Variants in SLA2 observed in about 807,000 individuals in gnomAD.
SLA2 encodes Src like adaptor 2.
SLA2 carries 22 observed loss-of-function variants against 27.3 expected under a neutral mutation model. That is an observed-to-expected ratio of 0.81 (90% CI 0.58 to 1.15). The LOEUF is 1.15. Among genes scored for constraint, SLA2 ranks in the 50% most tolerant of loss-of-function variants. The pLI, the probability that SLA2 is intolerant of heterozygous loss-of-function variation, is 0.00. For missense variants in SLA2, 304 were observed against 322.2 expected (o/e 0.94, Z 0.43); for synonymous variants, 131 against 137.8 (o/e 0.95, Z 0.34).
In SLA2 at chr20:36,641,915, T is replaced by C. The variant is rs2039510420; in HGVS notation, c.-43-537A>G. 6.6e-5 allele frequency among the ~76,000 whole-genome samples: 10 copies of C among 151,476 alleles called. No homozygotes were observed. In the South Asian group the frequency reaches 2.1e-3, roughly 32 times the overall value. The stretch of plus-strand genomic sequence containing the variant: ...GCTCATGCCTGTAATCCCAGCACTT[T>C]GGGAGGCTGAGGCAGGTGGATGACC... On this transcript the variant is annotated intron_variant, in intron 1 of 7. Transcript: ENST00000262866.
At chr20:36,644,737 A>G (rs1169303209) in intron 1 of SLA2, among the ~76,000 whole-genome samples, 1 of 152,210 alleles carries the variant, frequency 6.6e-6, no homozygotes, top group Non-Finnish European at 1.5e-5. Context: ...AGACAGCATC[A>G]AATCATTAAC....
chr20:36,613,957 C>G lies in SLA2; in HGVS notation c.695G>C (p.Gly232Ala), dbSNP rs1395348564. 2 of 1,613,970 alleles carry G rather than the reference C, an allele frequency of 1.2e-6. No homozygotes were observed. Among genetic ancestry groups the G allele is most frequent in the African/African-American group, 1.3e-5 (1 of 74,910 alleles). The part of the protein sequence containing the change: ...SSLLFSEAAT[G>A]EESLLSEGLR... ...ACCCTCACTGAGAAGAGACTCCTCC[C>G]CTGTGGCAGCTTCAGAAAACAGGAG... The change falls in exon 8 of 8, where the codon GGG becomes GCG. Residue 232 changes from glycine to alanine, a missense_variant. Physicochemically the swap from Gly to Ala is moderately conservative, Grantham distance 60 (BLOSUM62 0). Transcript: ENST00000262866.
intron 5 of SLA2, among the ~76,000 whole-genome samples, chr20:36,629,795 C>T (rs967430400): frequency 2.0e-5 from 3 of 151,836 alleles, no homozygotes; most frequent in South Asian, 2.1e-4. Flanking sequence ...ATAATTATCC[C>T]GGTGTGGTAG....
chr20:36,615,134 TC>T, intron 6 of SLA2, 90 bp downstream of exon 6: 1 of 1,584,632 alleles, frequency 6.3e-7, no homozygotes, highest in Non-Finnish European at 8.6e-7. Flanking sequence ...GTCTGAATAC[TC>T]CACAGTAGGT....
rs1209086222 is a variant in SLA2 at position 36,634,568 on chromosome 20, A to G, written c.113T>C (p.Val38Ala). The G allele has an allele frequency of 1.9e-6, 3 of 1,609,294 alleles. No individual in the cohort carries two copies. The highest frequency in any genetic ancestry group is 1.3e-5 in the African/African-American group (1 of 74,946). ...MEAERSKATA[V>A]ALGSFPAGGP... ...ACCTGCCGGGAAACTGCCCAGGGCC[A>G]CGGCTGTGGCCTTGCTTCTCTCTAG... The change falls in exon 3 of 8, where the codon GTG (valine) becomes GCG (alanine). Residue 38 changes from valine to alanine, a missense_variant. Coordinates refer to ENST00000262866, the MANE Select transcript of SLA2 (RefSeq NM_032214.4).
chr20:36,633,720 T>G (rs1319920829), intron 3 of SLA2, 91 bp from the exon 4 acceptor site: 2 of 1,029,490 alleles, frequency 1.9e-6, no homozygotes, highest in Non-Finnish European at 3.0e-6. Context: ...CCTCTCAGGC[T>G]GGATCCTGTG....
intron 5 of SLA2, among the ~76,000 whole-genome samples, chr20:36,615,853 G>A (rs1234298643): frequency 2.0e-5 from 3 of 152,132 alleles, no homozygotes; most frequent in African/African-American, 7.2e-5. Context: ...TACCTCAGAA[G>A]CACACAAGCA....
At chr20:36,640,531 C>T (rs1408210121) in intron 2 of SLA2, among the ~76,000 whole-genome samples, 1 of 128,978 alleles carries the variant, frequency 7.8e-6, no homozygotes. Context: ...TTTTGTTAGA[C>T]GAATTTTCAC....
rs1396892441 is a variant in SLA2 at position 36,632,586 on chromosome 20, C to G, written c.382+9G>C. On this transcript the variant is annotated intron_variant, in intron 5 of 7. Coordinates refer to ENST00000262866, the MANE Select transcript of SLA2 (RefSeq NM_032214.4). ...AGGGAGGGCCTGGGCTGGCACCGAGCTTACTCACCTCTCCTGGTCTGGCTC... is the reference window on the plus strand; with the variant it reads ...AGGGAGGGCCTGGGCTGGCACCGAGGTTACTCACCTCTCCTGGTCTGGCTC... 11 of 1,611,744 alleles carry G rather than the reference C, an allele frequency of 6.8e-6. No homozygotes were observed. In the South Asian group the frequency reaches 1.1e-4, roughly 16 times the overall value.
chr20:36,633,287 C>G (rs941446360), intron 4 of SLA2, among the ~76,000 whole-genome samples: 2 of 152,148 alleles, frequency 1.3e-5, no homozygotes, highest in African/African-American at 4.8e-5. Flanking sequence ...CATTTTCCAC[C>G]ACGAGATCCT....
At chr20:36,632,336 A>C (rs377557864) in intron 5 of SLA2, among the ~76,000 whole-genome samples, 1 of 151,980 alleles carries the variant, frequency 6.6e-6, no homozygotes, top group Non-Finnish European at 1.5e-5. Context: ...CTCATGGTCT[A>C]TTCCTCCATG....
At chr20:36,639,697 C>CA (rs74173988) in intron 2 of SLA2, among the ~76,000 whole-genome samples, 10,317 of 136,820 alleles carry the variant, frequency 0.075, 526 homozygotes, top group African/African-American at 0.15. Context: ...ACTAAAAATA[C>CA]AAAAAAAAAA....
intron 2 of SLA2, among the ~76,000 whole-genome samples, chr20:36,639,424 CA>C (rs756221911): frequency 8.6e-5 from 13 of 151,260 alleles, no homozygotes; most frequent in Non-Finnish European, 1.3e-4. Context: ...CACACACACA[CA>C]ACTATTGGTT....
At chr20:36,643,742 A>G (rs1978285491) in intron 1 of SLA2, among the ~76,000 whole-genome samples, 1 of 152,186 alleles carries the variant, frequency 6.6e-6, no homozygotes, top group African/African-American at 2.4e-5. Context: ...ACATGAGGTC[A>G]GGAGTTTGAG....
chr20:36,626,192 G>A (rs1767871942), intron 5 of SLA2, among the ~76,000 whole-genome samples: 1 of 152,100 alleles, frequency 6.6e-6, no homozygotes, highest in Admixed American at 6.5e-5. Context: ...AAGAGATCAA[G>A]ACCATCCTGG....
At chr20:36,639,033 A>G (rs973599830) in intron 2 of SLA2, among the ~76,000 whole-genome samples, 3 of 151,978 alleles carry the variant, frequency 2.0e-5, no homozygotes, top group Admixed American at 2.0e-4. Flanking sequence ...TTTAGTAGAG[A>G]TGGGGTTTCA....
At position 36,646,006 on chromosome 20, in the gene SLA2, T is replaced by G. The variant is rs1244079937; in HGVS notation, c.-213A>C. On this transcript the variant is annotated 5_prime_UTR_variant, in exon 1 of 8. Transcript: ENST00000262866. ...TTCAGGGAGAGGCTAGGTGTTGGTT[T>G]GGGTAGCTCAGCATCTGTCTGCAGT... is the stretch of plus-strand genomic sequence containing the variant. 1 of 152,290 alleles carries G rather than the reference T, an allele frequency of 6.6e-6. No homozygotes were observed. Among genetic ancestry groups the G allele is most frequent in the East Asian group, 1.9e-4 (1 of 5,186 alleles). The allele number at this position is 152,290 out of a possible 1,614,324, so 9.4% of individuals were successfully genotyped here.
In SLA2 at chr20:36,612,431, T is replaced by TTCAAG. The variant is rs2147971205; in HGVS notation, c.*1430_*1434dup. ...AGAGTTTTTAAACTATCAATGGCAT[T>TTCAAG]TCAAGTCTTCTGAAACAGCATGGCT... On this transcript the variant is annotated 3_prime_UTR_variant, in exon 8 of 8. Transcript: ENST00000262866. 4 of 602,718 alleles carry TTCAAG rather than the reference T, an allele frequency of 6.6e-6. No homozygotes were observed. In the East Asian group the frequency reaches 8.5e-5, roughly 13 times the overall value. 37.3% of individuals were successfully genotyped at this position (602,718 alleles called of 1,614,324 possible).
At chr20:36,623,266 C>CAAAAAAAAAAAAAAAAAAA in intron 5 of SLA2, among the ~76,000 whole-genome samples, 1 of 52,094 alleles carries the variant, frequency 1.9e-5, no homozygotes, top group Non-Finnish European at 4.2e-5. Flanking sequence ...CATTACATCT[C>CAAAAAAAAAAAAAAAAAAA]AAAAAAAAAA....
Sources: gnomAD v4.1 joint callset for allele counts (sites outside exome capture counted in the v4.1 genomes callset) on GRCh38, gnomAD v4.1.1 for gene constraint, MANE v1.5 for transcripts, NCBI Gene and HGNC (gene_info 2026-07-23, HGNC 2026-07-21) for gene names.